NBAS: variants seen among roughly 807,000 people sequenced by gnomAD.
The protein encoded by NBAS is NAG/BC035112 fusion.
In NBAS, 219 loss-of-function variants were observed where a neutral mutation model predicts 302.5. The ratio of observed to expected loss-of-function variants is 0.72; its 90% CI spans 0.65 to 0.81. NBAS has a LOEUF of 0.81. NBAS is among the 30% of genes least tolerant of loss of function. The pLI, the probability that NBAS is intolerant of heterozygous loss-of-function variation, is 0.00. For synonymous variants in NBAS, 1,118 were observed against 1,021.6 expected (o/e 1.09, Z -1.80); for missense variants, 2,932 against 2,841.6 (o/e 1.03, Z -0.72).
At chr2:14,902,245 C>T in the NBAS span, among the ~76,000 whole-genome samples, 1 of 152,180 alleles carries the variant, frequency 6.6e-6, no homozygotes, top group East Asian at 1.9e-4. Flanking sequence ...GATTCTTGTG[C>T]GTCAGCCTCC....
In NBAS at chr2:15,452,514, G is replaced by A. The variant is rs571427974; in HGVS notation, c.2339+8687C>T. ...GAGGCAGGAGAATGGCATGAACCCA[G>A]GAGGCGGAGCTTGCACTGAGCCGAG... On this transcript the variant is annotated intron_variant, in intron 21 of 51. Coordinates refer to ENST00000281513, the MANE Select transcript of NBAS (RefSeq NM_015909.4). Among the ~76,000 whole-genome samples the A allele has an allele frequency of 8.9e-3, 1,354 of 151,778 alleles. 10 individuals are homozygous for A. The highest frequency in any genetic ancestry group is 0.013 in the Non-Finnish European group (909 of 67,940).
chr2:15,060,665 G>A, the NBAS span, among the ~76,000 whole-genome samples: 1 of 152,046 alleles, frequency 6.6e-6, no homozygotes, highest in African/African-American at 2.4e-5. Flanking sequence ...GGGGAAGAAG[G>A]GGAAACTGAG....
chr2:15,518,186 G>A (rs1376999336), intron 9 of NBAS, among the ~76,000 whole-genome samples: 1 of 150,932 alleles, frequency 6.6e-6, no homozygotes, highest in Non-Finnish European at 1.5e-5. Context: ...ACCCACAAGT[G>A]TAGTGAAATA....
intron 21 of NBAS, among the ~76,000 whole-genome samples, chr2:15,452,151 A>C (rs1366100309): frequency 2.6e-5 from 4 of 152,216 alleles, no homozygotes. Flanking sequence ...ATAGAGTTTC[A>C]GTTTTACAAG....
chr2:15,145,999 A>G, the NBAS span, among the ~76,000 whole-genome samples: 1 of 152,138 alleles, frequency 6.6e-6, no homozygotes, highest in African/African-American at 2.4e-5. Flanking sequence ...TCTATTGAGT[A>G]TCTAGCGTGA....
intron 9 of NBAS, among the ~76,000 whole-genome samples, chr2:15,514,215 G>C (rs573035659): frequency 5.9e-5 from 9 of 152,294 alleles, no homozygotes; most frequent in African/African-American, 2.2e-4. Flanking sequence ...CAGGTAAAAT[G>C]AGACTGGCCA....
intron 51 of NBAS, among the ~76,000 whole-genome samples, chr2:15,174,931 A>G (rs1199485361): frequency 6.6e-6 from 1 of 152,196 alleles, no homozygotes; most frequent in Non-Finnish European, 1.5e-5. Context: ...CATCAAGGAG[A>G]AACCCTTAAT....
At chr2:15,184,205 T>C (rs920274163) in intron 50 of NBAS, among the ~76,000 whole-genome samples, 5 of 152,092 alleles carry the variant, frequency 3.3e-5, no homozygotes, top group African/African-American at 9.7e-5. Context: ...AGATAGTACA[T>C]ATCAAGTGGT....
At chr2:15,543,119 A>G (rs554139428) in intron 6 of NBAS, among the ~76,000 whole-genome samples, 1 of 152,354 alleles carries the variant, frequency 6.6e-6, no homozygotes, top group African/African-American at 2.4e-5. Context: ...CACTGATGGT[A>G]AAAGTTAACC....
At chr2:15,052,560 G>A in the NBAS span, among the ~76,000 whole-genome samples, 1 of 152,108 alleles carries the variant, frequency 6.6e-6, no homozygotes, top group Non-Finnish European at 1.5e-5. Flanking sequence ...CTCGAATGTT[G>A]TGGCTTTGCC....
chr2:15,556,873 T>C (rs1044574819), intron 2 of NBAS, 54 bp from the exon 3 acceptor site: 2 of 1,398,736 alleles, frequency 1.4e-6, no homozygotes, highest in Admixed American at 3.4e-5. Context: ...TAAGAATCAT[T>C]TTCAAATTAG....
chr2:15,334,226 G>A (rs1282824935), intron 35 of NBAS, among the ~76,000 whole-genome samples: 1 of 150,068 alleles, frequency 6.7e-6, no homozygotes, highest in Non-Finnish European at 1.5e-5. Flanking sequence ...GTCTCGCTCT[G>A]TCACCCAGGT....
chr2:14,896,131 T>C, the NBAS span, among the ~76,000 whole-genome samples: 2 of 151,922 alleles, frequency 1.3e-5, no homozygotes, highest in African/African-American at 2.4e-5. Context: ...CATAACCACG[T>C]AGTACAAATT....
chr2:15,472,396 T>C (rs999604950), intron 16 of NBAS, among the ~76,000 whole-genome samples: 1 of 152,144 alleles, frequency 6.6e-6, no homozygotes, highest in Admixed American at 6.5e-5. Flanking sequence ...CCCAGGCACC[T>C]GAGAGGGAAG....
At chr2:15,150,981 C>CA in the NBAS span, among the ~76,000 whole-genome samples, 37,448 of 151,808 alleles carry the variant, frequency 0.25, 4,629 homozygotes, top group South Asian at 0.39. Flanking sequence ...AGTAAGAAAA[C>CA]AAAAAAAATT....
At chr2:15,491,545 G>C (rs1276608893) in intron 11 of NBAS, among the ~76,000 whole-genome samples, 1 of 152,064 alleles carries the variant, frequency 6.6e-6, no homozygotes, top group African/African-American at 2.4e-5. Context: ...GACCATCCTG[G>C]CTAACACAGT....
At chr2:14,831,992 A>G in the NBAS span, among the ~76,000 whole-genome samples, 1 of 152,326 alleles carries the variant, frequency 6.6e-6, no homozygotes, top group South Asian at 2.1e-4. Flanking sequence ...CACTTTAGGC[A>G]TCACTCAGAG....
At chr2:15,547,507 A>C (rs1311963527) in intron 6 of NBAS, among the ~76,000 whole-genome samples, 1 of 152,208 alleles carries the variant, frequency 6.6e-6, no homozygotes, top group African/African-American at 2.4e-5. Flanking sequence ...TTAACCATAC[A>C]CACTAAAAAC....
the NBAS span, among the ~76,000 whole-genome samples, chr2:14,813,831 G>A: frequency 6.6e-6 from 1 of 152,116 alleles, no homozygotes; most frequent in Non-Finnish European, 1.5e-5. Flanking sequence ...TGCCTCCAAG[G>A]TATTTCAGAA....
Sources: allele counts gnomAD v4.1 joint callset (sites outside exome capture counted in the v4.1 genomes callset), GRCh38; gene constraint gnomAD v4.1.1; transcripts MANE v1.5; gene names NCBI Gene and HGNC (gene_info 2026-07-23, HGNC 2026-07-21).